Variants in ABHD3 observed in about 807,000 individuals in gnomAD.
ABHD3 encodes phospholipase ABHD3.
In ABHD3, 46 loss-of-function variants were observed where a neutral mutation model predicts 48.8. The observed-to-expected ratio is 0.94, with a 90% CI of 0.74 to 1.20. The LOEUF is 1.20. ABHD3 is among the 50% of genes most tolerant of loss of function. The pLI, the probability that ABHD3 is intolerant of heterozygous loss-of-function variation, is 0.00. For synonymous variants in ABHD3, 192 were observed against 183.7 expected, an observed-to-expected ratio of 1.04 and a Z score of -0.36; for missense variants, 490 against 497.8, an observed-to-expected ratio of 0.98 and a Z score of 0.15.
At chr18:21,701,657 G>A (rs1000118013) in intron 3 of ABHD3, 2 of 152,044 alleles carry the variant, frequency 1.3e-5, no homozygotes, top group Admixed American at 6.6e-5. Context: ...CAAAAAAGCA[G>A]TACCTTTTAT....
chr18:21,671,984 T>C lies in ABHD3; in HGVS notation c.556-7754A>G, dbSNP rs923489905. ...AAAGAGGTTAGTTTTAAAAGATGCA[T>C]TGAAGAGAATGAAATATCATTAATT... On this transcript the variant is annotated intron_variant, in intron 4 of 8. Coordinates refer to ENST00000289119, the MANE Select transcript of ABHD3 (RefSeq NM_138340.5). Among the ~76,000 whole-genome samples, 13 of 152,080 alleles carry C rather than the reference T, an allele frequency of 8.5e-5. 1 individual carries two copies. In the South Asian group the frequency reaches 1.2e-3, roughly 15 times the overall value.
At chr18:21,654,669 G>A (rs1033080593) in intron 8 of ABHD3, among the ~76,000 whole-genome samples, 2 of 152,170 alleles carry the variant, frequency 1.3e-5, no homozygotes, top group African/African-American at 4.8e-5. Flanking sequence ...ATTATCAAGA[G>A]CCTAAACTTC....
chr18:21,676,459 T>C (rs897903305), intron 4 of ABHD3, among the ~76,000 whole-genome samples: 8 of 152,216 alleles, frequency 5.3e-5, no homozygotes, highest in African/African-American at 1.9e-4. Flanking sequence ...GGTGTGATCT[T>C]GGCTCACTGC....
intron 5 of ABHD3, among the ~76,000 whole-genome samples, chr18:21,663,127 A>G (rs1190820263): frequency 6.6e-6 from 1 of 152,228 alleles, no homozygotes; most frequent in Non-Finnish European, 1.5e-5. Flanking sequence ...ATCAGAATCT[A>G]AAAAGCTGTG....
chr18:21,702,171 A>C (rs1442970296), intron 3 of ABHD3, 145 bp downstream of exon 3: 1 of 721,570 alleles, frequency 1.4e-6, no homozygotes, highest in African/African-American at 1.8e-5. Flanking sequence ...AGAAAGAGGA[A>C]AAAAAGAATG....
At chr18:21,698,264 C>A (rs942051251) in intron 3 of ABHD3, among the ~76,000 whole-genome samples, 1 of 151,916 alleles carries the variant, frequency 6.6e-6, no homozygotes, top group Non-Finnish European at 1.5e-5. Context: ...CAGCTCACTG[C>A]AACCTCCGCC....
Position 21,656,879 on chromosome 18 carries a change from C to T in ABHD3, c.1039G>A (p.Val347Ile). The change falls in exon 8 of 9, where the codon GTT becomes ATT. Residue 347 changes from valine to isoleucine, a missense_variant. By Grantham distance (29) the Val-to-Ile change is conservative. Coordinates refer to ENST00000289119, the MANE Select transcript of ABHD3 (RefSeq NM_138340.5). ...PVLCLNSVDD[V>I]FSPSHAIPIE... ...ATTTTACCATGACTGGGTGAGAAAA[C>T]ATCATCCACAGAATTTAGACACAAT... 6.3e-7 allele frequency: 1 copy of T among 1,598,858 alleles called. No homozygotes were observed. Among genetic ancestry groups the T allele is most frequent in the Non-Finnish European group, 8.5e-7 (1 of 1,169,728 alleles).
intron 3 of ABHD3, among the ~76,000 whole-genome samples, chr18:21,700,827 CAAAAAA>C (rs375239917): frequency 6.4e-5 from 6 of 94,378 alleles, no homozygotes; most frequent in East Asian, 3.1e-4. Flanking sequence ...AAGTTTTAGC[CAAAAAA>C]AAAAAAAAAA....
intron 4 of ABHD3, chr18:21,682,676 A>G (rs1264612572): frequency 1.3e-5 from 2 of 152,224 alleles, no homozygotes; most frequent in Non-Finnish European, 2.9e-5. Flanking sequence ...CTCACTTCAT[A>G]AAGAACTAAC....
intron 4 of ABHD3, among the ~76,000 whole-genome samples, chr18:21,675,403 G>C (rs909044482): frequency 2.0e-5 from 3 of 151,700 alleles, no homozygotes; most frequent in African/African-American, 7.3e-5. Context: ...CGAGCAGCTG[G>C]GACTACAGGC....
intron 3 of ABHD3, among the ~76,000 whole-genome samples, chr18:21,689,302 C>T (rs1488831165): frequency 6.6e-6 from 1 of 151,864 alleles, no homozygotes; most frequent in Non-Finnish European, 1.5e-5. Flanking sequence ...TAATCTCAGC[C>T]CTTTGGGAAG....
At chr18:21,675,262 G>GTTTTTTTTTTT (rs61119109) in intron 4 of ABHD3, among the ~76,000 whole-genome samples, 1 of 85,476 alleles carries the variant, frequency 1.2e-5, no homozygotes, top group Non-Finnish European at 2.1e-5. Flanking sequence ...AATGAGGTGG[G>GTTTTTTTTTTT]TTTTTTTTTT....
At chr18:21,664,559 G>GA (rs142893562) in intron 4 of ABHD3, 2 of 190,022 alleles carry the variant, frequency 1.1e-5, no homozygotes, top group Non-Finnish European at 1.1e-5. Context: ...AGCAGTTTAG[G>GA]AAAAAAAGCA....
intron 4 of ABHD3, among the ~76,000 whole-genome samples, chr18:21,671,165 G>A (rs551368042): frequency 4.6e-5 from 7 of 152,206 alleles, no homozygotes; most frequent in Non-Finnish European, 8.8e-5. Flanking sequence ...CTCTAGCTTT[G>A]TTAATAAACC....
intron 3 of ABHD3, among the ~76,000 whole-genome samples, chr18:21,693,270 A>T (rs1329815430): frequency 1.3e-5 from 2 of 152,238 alleles, no homozygotes; most frequent in South Asian, 2.1e-4. Context: ...TTCTTTATAC[A>T]CATTACACGC....
At chr18:21,696,185 C>T (rs2040366476) in intron 3 of ABHD3, among the ~76,000 whole-genome samples, 2 of 150,458 alleles carry the variant, frequency 1.3e-5, no homozygotes, top group Admixed American at 1.3e-4. Context: ...GCTCTGTTGC[C>T]CAGACTGGAG....
chr18:21,689,623 G>A (rs1236618322), intron 3 of ABHD3, among the ~76,000 whole-genome samples: 1 of 148,030 alleles, frequency 6.8e-6, no homozygotes, highest in Non-Finnish European at 1.5e-5. Flanking sequence ...AACAGTTTGG[G>A]GCAACAATAG....
At chr18:21,684,602 C>T (rs570862532) in intron 3 of ABHD3, among the ~76,000 whole-genome samples, 2 of 151,988 alleles carry the variant, frequency 1.3e-5, no homozygotes, top group East Asian at 1.9e-4. Context: ...GGATTACAGG[C>T]GTGAGCCACT....
chr18:21,685,294 G>C (rs749374451), intron 3 of ABHD3, among the ~76,000 whole-genome samples: 1 of 152,192 alleles, frequency 6.6e-6, no homozygotes, highest in Non-Finnish European at 1.5e-5. Context: ...ACCTACTGCT[G>C]TATAGAACAT....
Sources: gnomAD v4.1 joint callset for allele counts (sites outside exome capture counted in the v4.1 genomes callset) on GRCh38, gnomAD v4.1.1 for gene constraint, MANE v1.5 for transcripts, NCBI Gene and HGNC (gene_info 2026-07-23, HGNC 2026-07-21) for gene names.